CNTRL: variants seen among roughly 807,000 people sequenced by gnomAD.
CNTRL encodes the protein centriolin, also known as 110 kDa centrosomal protein.
A neutral mutation model predicts 303.7 loss-of-function variants in CNTRL; 233 were observed. The ratio of observed to expected loss-of-function variants is 0.77; its 90% CI spans 0.69 to 0.86. The LOEUF is 0.86. Ranked by LOEUF, CNTRL falls within the 40% of genes least tolerant of loss-of-function variation. CNTRL has a pLI of 0.00. For synonymous variants in CNTRL, 900 were observed against 922.2 expected (o/e 0.98, Z 0.44); for missense variants, 2,524 against 2,650.6 (o/e 0.95, Z 1.05).
At chr9:121,163,358 A>C (rs2052945796) in intron 34 of CNTRL, among the ~76,000 whole-genome samples, 1 of 149,232 alleles carries the variant, frequency 6.7e-6, no homozygotes. Context: ...TTTATTTTAT[A>C]TTTATATATA....
intron 34 of CNTRL, among the ~76,000 whole-genome samples, chr9:121,163,373 C>T (rs922237149): frequency 6.7e-6 from 1 of 148,940 alleles, no homozygotes; most frequent in Admixed American, 6.7e-5. Context: ...TATATAGGAC[C>T]ATAAACATAT....
intron 27 of CNTRL, among the ~76,000 whole-genome samples, chr9:121,155,611 C>T (rs2052528542): frequency 6.6e-6 from 1 of 152,200 alleles, no homozygotes; most frequent in Non-Finnish European, 1.5e-5. Context: ...GCGTGAGCCA[C>T]TGCGCCTGGC....
At chr9:121,092,498 T>TAG (rs1467562018) in intron 4 of CNTRL, among the ~76,000 whole-genome samples, 1 of 13,692 alleles carries the variant, frequency 7.3e-5, no homozygotes, top group African/African-American at 2.3e-4. Context: ...TATATATCTA[T>TAG]ATATATAATA....
In CNTRL at chr9:121,141,405, A is replaced by T. The variant is rs1454115094; in HGVS notation, c.2508A>T (p.Leu836Phe). The change falls in exon 18 of 44, where the codon TTA (leucine) becomes TTT (phenylalanine). Residue 836 changes from leucine to phenylalanine, a missense_variant. Coordinates refer to ENST00000373855, the MANE Select transcript of CNTRL (RefSeq NM_007018.6). The part of the protein sequence containing the change: ...EMNIHSPSDV[L>F]GKSLADLQKQ... Reference sequence around the variant, plus strand: ...GCATCCATAGTCCTTCAGATGTCTTAGGGAAAAGTCTTGCTGATTTACAGA... The same window carrying T: ...GCATCCATAGTCCTTCAGATGTCTTTGGGAAAAGTCTTGCTGATTTACAGA... 6.2e-7 allele frequency: 1 copy of T among 1,613,716 alleles called. No individual in the cohort carries two copies. Among genetic ancestry groups the T allele is most frequent in the Non-Finnish European group, 8.5e-7 (1 of 1,179,720 alleles).
chr9:121,167,787 C>G, intron 37 of CNTRL, 110 bp downstream of exon 37: 1 of 904,466 alleles, frequency 1.1e-6, no homozygotes, highest in Non-Finnish European at 1.7e-6. Flanking sequence ...GACTATGTGT[C>G]CCTTAACTGC....
intron 14 of CNTRL, among the ~76,000 whole-genome samples, chr9:121,132,580 C>T (rs1471728873): frequency 6.6e-6 from 1 of 152,160 alleles, no homozygotes; most frequent in Admixed American, 6.5e-5. Flanking sequence ...GTTCAAACAT[C>T]GTCCTTTAGC....
At chr9:121,094,667 C>A (rs948212215) in intron 4 of CNTRL, among the ~76,000 whole-genome samples, 1 of 152,122 alleles carries the variant, frequency 6.6e-6, no homozygotes, top group Non-Finnish European at 1.5e-5. Context: ...AGTATATAGA[C>A]AATGTTGTTG....
At chr9:121,130,175 C>T (rs942620901) in intron 14 of CNTRL, among the ~76,000 whole-genome samples, 2 of 152,144 alleles carry the variant, frequency 1.3e-5, no homozygotes, top group African/African-American at 4.8e-5. Context: ...CCCTCTTTTT[C>T]TATTCATTGG....
rs564006480 is a variant in CNTRL, at chr9:121,090,324, A to G, written c.267A>G (p.Lys89=). ...GVRYITEALI[K]KLTKQDNLAL... The stretch of plus-strand genomic sequence containing the variant: ...GATATATTACAGAGGCCCTCATTAA[A>G]AAACTTACTAAACAGGATAATTTGG... Residue 89 remains lysine, a synonymous_variant, in exon 4 of 44, where the codon AAA becomes AAG. Transcript: ENST00000373855. 1 of 1,612,688 alleles carries G rather than the reference A, an allele frequency of 6.2e-7. No homozygotes were observed. The highest frequency in any genetic ancestry group is 1.3e-5 in the African/African-American group (1 of 75,014).
chr9:121,109,749 C>T (rs2049661189), intron 8 of CNTRL, among the ~76,000 whole-genome samples: 1 of 151,850 alleles, frequency 6.6e-6, no homozygotes, highest in South Asian at 2.1e-4. Context: ...AAGAAAATAC[C>T]CAATTTCCAA....
intron 37 of CNTRL, 40 bp downstream of exon 37, chr9:121,167,717 G>A (rs200770280): frequency 6.4e-7 from 1 of 1,559,720 alleles, no homozygotes; most frequent in Non-Finnish European, 8.8e-7. Flanking sequence ...AAAGCATTTT[G>A]TGGCTCATGT....
At chr9:121,167,857 G>A (rs1266055596) in intron 37 of CNTRL, among the ~76,000 whole-genome samples, 180 bp downstream of exon 37, 2 of 152,076 alleles carry the variant, frequency 1.3e-5, no homozygotes, top group Admixed American at 6.5e-5. Context: ...GACCTTTAAC[G>A]ATCATAGAAC....
intron 32 of CNTRL, 31 bp downstream of exon 32, chr9:121,160,333 T>A: frequency 1.4e-6 from 2 of 1,409,144 alleles, no homozygotes; most frequent in Non-Finnish European, 1.9e-6. Context: ...TCATACAAAG[T>A]TTGAGGTTGG....
In CNTRL at chr9:121,173,251, C is replaced by G. The variant is rs1377750890; in HGVS notation, c.6426C>G (p.Asn2142Lys). 1 of 1,606,214 alleles carries G rather than the reference C, an allele frequency of 6.2e-7. No homozygotes were observed. The highest frequency in any genetic ancestry group is 2.2e-5 in the East Asian group (1 of 44,706). The change falls in exon 41 of 44, where the codon AAC becomes AAG. Residue 2142 changes from asparagine (N) to lysine (K), a missense_variant. Transcript: ENST00000373855. ...EYTELKKQMA[N>K]QKDLERRQME... is the part of the protein sequence containing the mutation. ...ACCAACTCACTGTTTAGATGGCAAA[C>G]CAAAAAGATTTGGAGAGAAGACAAA... is the stretch of plus-strand genomic sequence containing the variant.
At chr9:121,092,692 TAA>T (rs1491371285) in intron 4 of CNTRL, among the ~76,000 whole-genome samples, 1 of 34,484 alleles carries the variant, frequency 2.9e-5, no homozygotes. Flanking sequence ...TCTATATATA[TAA>T]TATATATCTA....
In CNTRL at chr9:121,095,007, T is replaced by C; in HGVS notation, c.468T>C (p.Tyr156=). ...AATTACGTGAACTCAACTTATCATA[T>C]AACAAAATCAGGTGAGTTATATAAC... ...LLKLRELNLS[Y]NKISKIEGIE... is the part of the protein sequence containing the mutation. The change falls in exon 5 of 44, where the codon TAT becomes TAC. Residue 156 remains tyrosine (Y), a synonymous_variant. Coordinates refer to ENST00000373855, the MANE Select transcript of CNTRL (RefSeq NM_007018.6). The C allele has an allele frequency of 6.2e-7, 1 of 1,600,950 alleles. No homozygotes were observed. Among genetic ancestry groups the C allele is most frequent in the East Asian group, 2.3e-5 (1 of 43,852 alleles).
At chr9:121,160,406 C>A in intron 32 of CNTRL, 104 bp downstream of exon 32, 1 of 749,784 alleles carries the variant, frequency 1.3e-6, no homozygotes, top group Non-Finnish European at 2.0e-6. Context: ...TAAAGTTTAA[C>A]CTTACTGCTA....
rs1026976164 is a variant in CNTRL, at chr9:121,141,504, A to C, written c.2607A>C (p.Gln869His). ...CACAAGTTAGAGAGAGAAAACTCCA[A>C]GAAGAAATGGCTCTGCAGCAAGAGA... ...DEAQVRERKLQEEMALQQEKL... is the reference protein window; with the variant it reads ...DEAQVRERKLHEEMALQQEKL... Residue 869 changes from glutamine (Q) to histidine (H), a missense_variant, in exon 18 of 44, where the codon CAA becomes CAC. Gln to His is a conservative substitution (Grantham distance 24). Coordinates refer to ENST00000373855, the MANE Select transcript of CNTRL (RefSeq NM_007018.6). 6.2e-7 allele frequency: 1 copy of C among 1,614,174 alleles called. No homozygotes were observed.
chr9:121,116,746 G>A (rs892342906), intron 11 of CNTRL, among the ~76,000 whole-genome samples: 14 of 152,194 alleles, frequency 9.2e-5, no homozygotes, highest in Admixed American at 3.3e-4. Context: ...GTGTGCATCT[G>A]TATCTGTCAG....
Sources: allele counts gnomAD v4.1 joint callset (sites outside exome capture counted in the v4.1 genomes callset), GRCh38; gene constraint gnomAD v4.1.1; transcripts MANE v1.5; gene names NCBI Gene and HGNC (gene_info 2026-07-23, HGNC 2026-07-21).